Variants in FMN2 observed in about 807,000 individuals in gnomAD.
FMN2 encodes the protein formin 2, also known as formin-2.
FMN2 carries 51 observed loss-of-function variants against 142.3 expected under a neutral mutation model. The observed-to-expected ratio is 0.36, with a 90% CI of 0.29 to 0.45. FMN2 has a LOEUF of 0.45. FMN2 is among the 20% of genes least tolerant of loss of function. The probability of loss-of-function intolerance (pLI) is 1.00; values close to 1 mark genes in which losing one functional copy is unlikely to be tolerated. For synonymous variants in FMN2, 882 were observed against 869.8 expected, an observed-to-expected ratio of 1.01 and a Z score of -0.25; for missense variants, 1,936 against 2,122.8, an observed-to-expected ratio of 0.91 and a Z score of 1.73.
intron 8 of FMN2, among the ~76,000 whole-genome samples, chr1:240,328,341 C>G (rs993530736): frequency 6.6e-6 from 1 of 151,360 alleles, no homozygotes; most frequent in African/African-American, 2.4e-5. Flanking sequence ...TATCAAATTA[C>G]TTCCAAATTC....
intron 16 of FMN2, among the ~76,000 whole-genome samples, chr1:240,444,700 A>G (rs1324855556): frequency 6.6e-6 from 1 of 152,188 alleles, no homozygotes; most frequent in Non-Finnish European, 1.5e-5. Context: ...TTAGAAGGTT[A>G]TGCGTTACAT....
chr1:240,242,002 C>T (rs1248946815), intron 6 of FMN2, among the ~76,000 whole-genome samples: 3 of 151,844 alleles, frequency 2.0e-5, no homozygotes, highest in Middle Eastern at 3.4e-3. Context: ...CCCGCCACCA[C>T]GCCCGGCTAA....
chr1:240,243,010 G>A (rs1667963453), intron 6 of FMN2, among the ~76,000 whole-genome samples: 1 of 152,130 alleles, frequency 6.6e-6, no homozygotes, highest in South Asian at 2.1e-4. Flanking sequence ...GCAGTGCCTT[G>A]GAATGCTGTT....
At chr1:240,384,925 A>G (rs1328303748) in intron 14 of FMN2, among the ~76,000 whole-genome samples, 2 of 152,212 alleles carry the variant, frequency 1.3e-5, no homozygotes, top group East Asian at 3.9e-4. Context: ...AAACATCTCT[A>G]AAACATCTAC....
intron 2 of FMN2, among the ~76,000 whole-genome samples, chr1:240,154,129 A>AAAAAAAACAG (rs3047192): frequency 9.8e-6 from 1 of 102,154 alleles, no homozygotes; most frequent in Non-Finnish European, 2.0e-5. Flanking sequence ...AAAAAAAAAA[A>AAAAAAAACAG]AAGTGTTACT....
chr1:240,368,045 T>C (rs1672743100), intron 14 of FMN2, among the ~76,000 whole-genome samples: 1 of 152,182 alleles, frequency 6.6e-6, no homozygotes, highest in Non-Finnish European at 1.5e-5. Context: ...TTTCCATATA[T>C]GTATGAGGCT....
intron 2 of FMN2, among the ~76,000 whole-genome samples, chr1:240,126,912 G>A (rs909854141): frequency 3.3e-5 from 5 of 152,128 alleles, no homozygotes; most frequent in Admixed American, 2.0e-4. Flanking sequence ...AGGATGGAGT[G>A]AATGGCGTGG....
chr1:240,104,427 C>T (rs1245653400), intron 1 of FMN2, among the ~76,000 whole-genome samples: 1 of 151,996 alleles, frequency 6.6e-6, no homozygotes, highest in African/African-American at 2.4e-5. Flanking sequence ...TAGTTGTATT[C>T]ATGAGAATCC....
chr1:240,342,942 C>A (rs953518236), intron 13 of FMN2, among the ~76,000 whole-genome samples: 1 of 151,398 alleles, frequency 6.6e-6, no homozygotes, highest in Non-Finnish European at 1.5e-5. Flanking sequence ...AATTGGACTT[C>A]GAAAGATCTG....
intron 4 of FMN2, among the ~76,000 whole-genome samples, chr1:240,189,118 TG>T (rs1289881462): frequency 4.0e-5 from 6 of 151,560 alleles, no homozygotes; most frequent in African/African-American, 1.2e-4. Context: ...AGCCAAATTT[TG>T]TGGGTTTTTT....
intron 15 of FMN2, among the ~76,000 whole-genome samples, chr1:240,407,224 G>A (rs1422556084): frequency 6.6e-6 from 1 of 151,238 alleles, no homozygotes; most frequent in African/African-American, 2.4e-5. Context: ...CGCAACCTCC[G>A]CTGCCCGGGT....
At chr1:240,148,291 GACAGAGAC>G (rs202189991) in intron 2 of FMN2, among the ~76,000 whole-genome samples, 1,267 of 46,208 alleles carry the variant, frequency 0.027, 18 homozygotes, top group Non-Finnish European at 0.036. Flanking sequence ...GACAGAGACA[GACAGAGAC>G]AGAGAGAGAG....
intron 6 of FMN2, among the ~76,000 whole-genome samples, chr1:240,249,607 A>T (rs1187496968): frequency 6.6e-6 from 1 of 152,078 alleles, no homozygotes; most frequent in Non-Finnish European, 1.5e-5. Context: ...TTGGCTCCAT[A>T]AGAATTTTAC....
At chr1:240,392,283 GATAAT>G (rs1333899479) in intron 14 of FMN2, among the ~76,000 whole-genome samples, 1 of 151,896 alleles carries the variant, frequency 6.6e-6, no homozygotes, top group Non-Finnish European at 1.5e-5. Context: ...TTTTTGATTA[GATAAT>G]ATATCTTGTC....
At chr1:240,210,162 A>G (rs1480975796) in intron 5 of FMN2, among the ~76,000 whole-genome samples, 1 of 152,208 alleles carries the variant, frequency 6.6e-6, no homozygotes, top group Non-Finnish European at 1.5e-5. Flanking sequence ...GGTACTTTAT[A>G]CATTTATGTG....
At chr1:240,402,414 G>T (rs1205442248) in intron 15 of FMN2, among the ~76,000 whole-genome samples, 2 of 152,228 alleles carry the variant, frequency 1.3e-5, no homozygotes, top group Non-Finnish European at 2.9e-5. Context: ...CGAATAAATG[G>T]TTTAACTGAA....
At chr1:240,230,673 A>G (rs1558381970) in intron 6 of FMN2, among the ~76,000 whole-genome samples, 1 of 132,174 alleles carries the variant, frequency 7.6e-6, no homozygotes, top group South Asian at 2.4e-4. Flanking sequence ...CTGTAAATAT[A>G]GTACAGAATG....
At chr1:240,240,945 T>C (rs1254035341) in intron 6 of FMN2, among the ~76,000 whole-genome samples, 4 of 152,228 alleles carry the variant, frequency 2.6e-5, no homozygotes, top group Non-Finnish European at 4.4e-5. Context: ...AAGATTGTAA[T>C]GTTATTTTAA....
At chr1:240,183,405 TATATA>T (rs974097342) in intron 3 of FMN2, among the ~76,000 whole-genome samples, 14 of 148,196 alleles carry the variant, frequency 9.4e-5, no homozygotes, top group East Asian at 3.9e-4. Context: ...AACATGTAAA[TATATA>T]ATATAATATA....
Sources: gnomAD v4.1 joint callset for allele counts (sites outside exome capture counted in the v4.1 genomes callset) on GRCh38, gnomAD v4.1.1 for gene constraint, MANE v1.5 for transcripts, NCBI Gene and HGNC (gene_info 2026-07-23, HGNC 2026-07-21) for gene names.